EXOC6: variants seen among roughly 807,000 people sequenced by gnomAD.
The protein encoded by EXOC6 is exocyst complex component 6.
A neutral mutation model predicts 112.5 loss-of-function variants in EXOC6; 60 were observed. The observed-to-expected ratio is 0.53, with a 90% confidence interval of 0.43 to 0.66. The LOEUF (loss-of-function observed/expected upper bound fraction) is 0.66. Among genes scored for constraint, EXOC6 ranks in the 30% least tolerant of loss-of-function variants. EXOC6 has a pLI of 0.00. For synonymous variants in EXOC6, 295 were observed against 308.0 expected, an observed-to-expected ratio of 0.96 and a Z score of 0.44; for missense variants, 855 against 957.1, an observed-to-expected ratio of 0.89 and a Z score of 1.41.
At chr10:92,892,351 TG>T (rs1421363836) in intron 1 of EXOC6, among the ~76,000 whole-genome samples, 2 of 152,236 alleles carry the variant, frequency 1.3e-5, no homozygotes, top group African/African-American at 4.8e-5. Flanking sequence ...CAGCACTTAC[TG>T]CTCCCAGCAG....
At chr10:92,927,172 G>T (rs1473379362) in intron 8 of EXOC6, among the ~76,000 whole-genome samples, 2 of 152,062 alleles carry the variant, frequency 1.3e-5, no homozygotes, top group African/African-American at 4.8e-5. Flanking sequence ...TTTTTTCAGT[G>T]AAAATGTGGC....
intron 20 of EXOC6, among the ~76,000 whole-genome samples, chr10:93,017,353 G>C (rs1044151243): frequency 6.6e-6 from 1 of 151,888 alleles, no homozygotes; most frequent in African/African-American, 2.4e-5. Context: ...CACTTTGGAA[G>C]GCTGAGGCGG....
rs192563792 is a variant in EXOC6, at chr10:92,866,614, C to T, written c.101+17980C>T. Among the ~76,000 whole-genome samples the T allele has an allele frequency of 7.9e-5, 12 of 151,978 alleles. No individual in the cohort carries two copies. In the East Asian group the frequency reaches 9.6e-4, roughly 12 times the overall value. The stretch of plus-strand genomic sequence containing the variant: ...TTTGTCAGAATAATTTATTTGAGCG[C>T]GAGTTTACCTTTTCATCATCTTAAA... On this transcript the variant is annotated intron_variant, in intron 1 of 21. Transcript: ENST00000260762.
At chr10:92,946,538 A>G (rs1259217603) in intron 13 of EXOC6, among the ~76,000 whole-genome samples, 2 of 152,166 alleles carry the variant, frequency 1.3e-5, no homozygotes, top group African/African-American at 4.8e-5. Flanking sequence ...GTTCATTATT[A>G]GGCTTTTTCC....
intron 4 of EXOC6, 71 bp from the exon 5 acceptor site, chr10:92,899,528 T>C: frequency 9.3e-7 from 1 of 1,081,004 alleles, no homozygotes; most frequent in East Asian, 2.5e-5. Flanking sequence ...CTTTCCTGCT[T>C]TGATTATTTT....
intron 18 of EXOC6, among the ~76,000 whole-genome samples, chr10:92,975,134 C>A (rs537847351): frequency 6.6e-6 from 1 of 151,886 alleles, no homozygotes; most frequent in Non-Finnish European, 1.5e-5. Context: ...CGCCTCTTCC[C>A]GGCCGCCATC....
intron 13 of EXOC6, among the ~76,000 whole-genome samples, chr10:92,946,462 T>C (rs1231416564): frequency 6.6e-6 from 1 of 152,202 alleles, no homozygotes; most frequent in Admixed American, 6.5e-5. Flanking sequence ...CTGTTGCAGC[T>C]TTAATTCAGA....
chr10:93,026,490 T>G (rs1845029618), intron 20 of EXOC6, among the ~76,000 whole-genome samples: 1 of 152,232 alleles, frequency 6.6e-6, no homozygotes, highest in South Asian at 2.1e-4. Context: ...TTACTGTGCT[T>G]TGCTTTGTTG....
At position 92,899,662 on chromosome 10, in the gene EXOC6, C is replaced by A. The variant is rs1191644183; in HGVS notation, c.458+18C>A. 1.3e-6 allele frequency: 2 copies of A among 1,592,634 alleles called. No individual in the cohort carries two copies. The highest frequency in any genetic ancestry group is 1.1e-5 in the South Asian group (1 of 89,100). On this transcript the variant is annotated intron_variant, in intron 5 of 21. Coordinates refer to ENST00000260762, the MANE Select transcript of EXOC6 (RefSeq NM_019053.6). ...GCCAAAAGGTGAGTTGGTTTTTTTCCTATTGTTTTAAATAAGAATTTTTTT... is the reference window on the plus strand; with the variant it reads ...GCCAAAAGGTGAGTTGGTTTTTTTCATATTGTTTTAAATAAGAATTTTTTT...
chr10:93,004,517 A>G (rs1481377454), intron 19 of EXOC6, among the ~76,000 whole-genome samples: 1 of 152,204 alleles, frequency 6.6e-6, no homozygotes, highest in African/African-American at 2.4e-5. Context: ...AATTCTTCAC[A>G]TATTTGATGA....
At chr10:92,853,294 C>T (rs1322760701) in intron 1 of EXOC6, among the ~76,000 whole-genome samples, 3 of 152,052 alleles carry the variant, frequency 2.0e-5, no homozygotes, top group African/African-American at 4.8e-5. Context: ...GATTGGAAGA[C>T]AGTATTGTTA....
chr10:92,914,867 G>A (rs965129216), intron 6 of EXOC6, among the ~76,000 whole-genome samples: 3 of 152,172 alleles, frequency 2.0e-5, no homozygotes, highest in African/African-American at 7.2e-5. Context: ...AGAATGTCTC[G>A]CAGTGTGTAA....
chr10:93,007,293 T>TAAA (rs1229456439), intron 19 of EXOC6, among the ~76,000 whole-genome samples: 1 of 152,124 alleles, frequency 6.6e-6, no homozygotes, highest in African/African-American at 2.4e-5. Flanking sequence ...CAAAAATTTT[T>TAAA]TTTTTTTTAT....
intron 1 of EXOC6, among the ~76,000 whole-genome samples, chr10:92,850,537 T>C (rs976613120): frequency 2.3e-4 from 35 of 152,142 alleles, no homozygotes; most frequent in Admixed American, 1.7e-3. Flanking sequence ...TTTCACGAAG[T>C]GAAGTGTTAA....
intron 14 of EXOC6, 83 bp downstream of exon 14, chr10:92,948,462 G>A: frequency 1.2e-6 from 1 of 809,836 alleles, no homozygotes; most frequent in Non-Finnish European, 1.9e-6. Context: ...ATATTAAGCT[G>A]AGACTGTAAA....
intron 18 of EXOC6, among the ~76,000 whole-genome samples, chr10:92,997,178 A>G (rs181307173): frequency 2.3e-4 from 35 of 152,314 alleles, no homozygotes; most frequent in Admixed American, 5.9e-4. Context: ...TGCTTTCAGT[A>G]TTTCAAGAGA....
At chr10:92,835,080 A>G (rs975131991) in intron 1 of EXOC6, among the ~76,000 whole-genome samples, 1 of 152,220 alleles carries the variant, frequency 6.6e-6, no homozygotes, top group Non-Finnish European at 1.5e-5. Flanking sequence ...AAGGACCTCA[A>G]TCACCTCCAA....
At chr10:93,015,507 A>G (rs1424304059) in intron 20 of EXOC6, among the ~76,000 whole-genome samples, 2 of 152,136 alleles carry the variant, frequency 1.3e-5, no homozygotes, top group Non-Finnish European at 2.9e-5. Flanking sequence ...GCCGAGGCGG[A>G]TGGATCACAA....
intron 15 of EXOC6, among the ~76,000 whole-genome samples, chr10:92,953,649 C>G (rs750330980): frequency 1.3e-5 from 2 of 152,034 alleles, no homozygotes; most frequent in Non-Finnish European, 2.9e-5. Context: ...TCAATAGTGC[C>G]GAGATGGATA....
Sources: gnomAD v4.1 joint callset for allele counts (sites outside exome capture counted in the v4.1 genomes callset) on GRCh38, gnomAD v4.1.1 for gene constraint, MANE v1.5 for transcripts, NCBI Gene and HGNC (gene_info 2026-07-23, HGNC 2026-07-21) for gene names.